Variants in EBF3 observed in about 807,000 individuals in gnomAD.
EBF3 encodes the protein transcription factor COE3.
Under a neutral mutation model 77.1 loss-of-function variants are expected in EBF3, and 18 were observed. That is an observed-to-expected ratio of 0.23 (90% CI 0.16 to 0.35). EBF3 has a LOEUF of 0.35. Among genes scored for constraint, EBF3 ranks in the 10% least tolerant of loss-of-function variants. The pLI is 1.00. For synonymous variants in EBF3, 350 were observed against 343.5 expected (o/e 1.02, Z -0.21); for missense variants, 558 against 860.0 (o/e 0.65, Z 4.39).
chr10:129,931,896 C>T (rs1378242094), intron 6 of EBF3, among the ~76,000 whole-genome samples: 3 of 152,166 alleles, frequency 2.0e-5, no homozygotes, highest in African/African-American at 4.8e-5. Context: ...GGTCCTGGTA[C>T]CCAAATGTCT....
chr10:129,858,709 C>T (rs1851420286), intron 10 of EBF3, among the ~76,000 whole-genome samples: 1 of 152,126 alleles, frequency 6.6e-6, no homozygotes, highest in Admixed American at 6.5e-5. Context: ...TAATCCGACC[C>T]CCTGGATTTC....
At chr10:129,846,279 A>G (rs1393671537) in intron 11 of EBF3, among the ~76,000 whole-genome samples, 2 of 152,120 alleles carry the variant, frequency 1.3e-5, no homozygotes, top group Admixed American at 1.3e-4. Context: ...GCGTGCATCC[A>G]AAACAATGTG....
chr10:129,884,721 G>C (rs1253100004), intron 6 of EBF3, among the ~76,000 whole-genome samples: 1 of 152,164 alleles, frequency 6.6e-6, no homozygotes, highest in East Asian at 1.9e-4. Context: ...TACCTGGCCT[G>C]CACGTGCATG....
Position 129,963,601 on chromosome 10 carries a change from G to A in EBF3, c.134+34C>T, listed in dbSNP as rs780153392. The A allele has an allele frequency of 6.3e-6, 8 of 1,263,458 alleles. No individual in the cohort carries two copies. Among genetic ancestry groups the A allele is most frequent in the South Asian group, 1.9e-5 (1 of 52,048 alleles). The allele number at this position is 1,263,458 out of a possible 1,614,324, so 78.3% of individuals were successfully genotyped here. A position where few individuals can be genotyped will look rare whatever the true frequency, so the allele number is the denominator to read the frequency against. ...GAGGGGGCCGGGCCGGGCCGGGGCC[G>A]GGGCCAGGGCGCGCGGGGGCGGCCG... On this transcript the variant is annotated intron_variant, in intron 1 of 16. Transcript: ENST00000440978. This position sits in a 1 kb window ranked among gnomAD's most constrained non-coding sequence, Gnocchi z 7.1.
At position 129,963,792 on chromosome 10, in the gene EBF3, G is replaced by C; in HGVS notation, c.-24C>G. 2 of 1,492,880 alleles carry C rather than the reference G, an allele frequency of 1.3e-6. No individual in the cohort carries two copies. The highest frequency in any genetic ancestry group is 1.8e-6 in the Non-Finnish European group (2 of 1,110,286). 92.5% of individuals were successfully genotyped at this position (1,492,880 alleles called of 1,614,324 possible). A position where few individuals can be genotyped will look rare whatever the true frequency, so the allele number is the denominator to read the frequency against. On this transcript the variant is annotated 5_prime_UTR_variant, in exon 1 of 17. Coordinates refer to ENST00000440978, the MANE Select transcript of EBF3 (RefSeq NM_001375380.1). The surrounding 1 kb of genome is among the most constrained non-coding windows in gnomAD (Gnocchi z 7.1). ...ATGAAAACTGCTGGCGGCGGCCGCA[G>C]CTCCCGGCCGAAAGCGTTTCCTCGA...
chr10:129,924,586 A>C (rs1196194900), intron 6 of EBF3, among the ~76,000 whole-genome samples: 1 of 152,204 alleles, frequency 6.6e-6, no homozygotes, highest in Non-Finnish European at 1.5e-5. Context: ...TTAAAAATAG[A>C]ACTACCCTAT....
intron 6 of EBF3, among the ~76,000 whole-genome samples, chr10:129,881,499 G>A (rs1446049663): frequency 3.3e-5 from 5 of 152,170 alleles, no homozygotes; most frequent in African/African-American, 9.7e-5. Context: ...GGCTTTCCCA[G>A]CCCCATTCCA....
rs566981153 is a variant in EBF3 at position 129,842,967 on chromosome 10, C to T, written c.1194+170G>A. Among the ~76,000 whole-genome samples the T allele has an allele frequency of 4.6e-5, 7 of 152,062 alleles. No individual in the cohort carries two copies. The highest frequency in any genetic ancestry group is 7.2e-5 in the African/African-American group (3 of 41,410). The stretch of plus-strand genomic sequence containing the variant: ...TCCTGACACCAACTCATCATTTCTA[C>T]GTGAACCTAGCGTGAGGGCAAGGAT... On this transcript the variant is annotated intron_variant, in intron 12 of 16. Coordinates refer to ENST00000440978, the MANE Select transcript of EBF3 (RefSeq NM_001375380.1). The surrounding 1 kb of genome is among the most constrained non-coding windows in gnomAD (Gnocchi z 4.4).
At chr10:129,869,200 T>C (rs1362292221) in intron 8 of EBF3, among the ~76,000 whole-genome samples, 4 of 152,176 alleles carry the variant, frequency 2.6e-5, no homozygotes, top group Non-Finnish European at 5.9e-5. Flanking sequence ...CCCTTCTTTG[T>C]CCTGCCTTAG....
intron 10 of EBF3, 36 bp downstream of exon 10, chr10:129,867,105 A>G: frequency 3.1e-6 from 5 of 1,603,268 alleles, no homozygotes; most frequent in Non-Finnish European, 4.3e-6. Context: ...GGAGGCCTCT[A>G]CCGCTTTCCC....
At chr10:129,860,778 T>C (rs1471811540) in intron 10 of EBF3, among the ~76,000 whole-genome samples, 2 of 152,342 alleles carry the variant, frequency 1.3e-5, no homozygotes, top group African/African-American at 4.8e-5. Context: ...GATAAATGGG[T>C]GACAGCTCCC....
chr10:129,840,019 T>C (rs1308651894), intron 15 of EBF3, among the ~76,000 whole-genome samples: 1 of 152,078 alleles, frequency 6.6e-6, no homozygotes, highest in African/African-American at 2.4e-5. Context: ...GTCGGAAGGG[T>C]GAGCTGGACA....
At chr10:129,934,096 C>A (rs1441322105) in intron 6 of EBF3, among the ~76,000 whole-genome samples, 1 of 152,194 alleles carries the variant, frequency 6.6e-6, no homozygotes, top group Non-Finnish European at 1.5e-5. Context: ...TCACATTTAG[C>A]TGAGCATCTT....
rs1248644156 is a variant in EBF3 at position 129,876,894 on chromosome 10, C to G, written c.636+874G>C. On this transcript the variant is annotated intron_variant, in intron 7 of 16. Transcript: ENST00000440978. ...CATAATTCATCCCTGAACCCCCCCC[C>G]CCCCCCCACCCAGCTACCCCTCTGT... Among the ~76,000 whole-genome samples the G allele has an allele frequency of 9.0e-5, 10 of 111,730 alleles. 1 individual carries two copies. The highest frequency in any genetic ancestry group is 4.7e-4 in the South Asian group (1 of 2,142). The allele number at this position is 111,730 out of a possible 152,430, so 73.3% of individuals were successfully genotyped here.
At chr10:129,880,458 C>G (rs1273854284) in intron 6 of EBF3, among the ~76,000 whole-genome samples, 2 of 152,146 alleles carry the variant, frequency 1.3e-5, no homozygotes, top group Non-Finnish European at 2.9e-5. Context: ...CATACACATG[C>G]AGACACATGC....
chr10:129,942,684 A>G (rs1857857313), intron 6 of EBF3, among the ~76,000 whole-genome samples: 1 of 152,180 alleles, frequency 6.6e-6, no homozygotes, highest in South Asian at 2.1e-4. Flanking sequence ...GATCACATTT[A>G]TTTCTTCTAA....
At chr10:129,941,415 T>C (rs1427962723) in intron 6 of EBF3, among the ~76,000 whole-genome samples, 5 of 152,218 alleles carry the variant, frequency 3.3e-5, no homozygotes, top group Admixed American at 2.0e-4. Context: ...ACTGAACGCC[T>C]GGAGGTGGCC....
chr10:129,950,040 G>A (rs1858547459), intron 6 of EBF3, among the ~76,000 whole-genome samples: 1 of 149,002 alleles, frequency 6.7e-6, no homozygotes, highest in Non-Finnish European at 1.5e-5. Flanking sequence ...AGGGAGGGGA[G>A]GGGGGCGGAG....
At chr10:129,899,981 A>G (rs566607071) in intron 6 of EBF3, among the ~76,000 whole-genome samples, 2 of 152,350 alleles carry the variant, frequency 1.3e-5, no homozygotes, top group African/African-American at 4.8e-5. Context: ...TTGCTGCAGA[A>G]GAACACTTTA....
Sources: allele counts gnomAD v4.1 joint callset (sites outside exome capture counted in the v4.1 genomes callset), GRCh38; gene constraint gnomAD v4.1.1; non-coding constraint Gnocchi (gnomAD v3.1); transcripts MANE v1.5; gene names NCBI Gene and HGNC (gene_info 2026-07-23, HGNC 2026-07-21).